TBX21: variants seen among roughly 807,000 people sequenced by gnomAD.
TBX21 encodes the protein T-box transcription factor TBX21.
Under a neutral mutation model 52.2 loss-of-function variants are expected in TBX21, and 11 were observed. The ratio of observed to expected loss-of-function variants is 0.21; its 90% CI spans 0.13 to 0.35. The LOEUF is 0.35. Among genes scored for constraint, TBX21 ranks in the 10% least tolerant of loss-of-function variants. TBX21 has a pLI of 1.00. For missense variants in TBX21, 625 were observed against 755.1 expected (o/e 0.83, Z 2.02); for synonymous variants, 300 against 316.1 (o/e 0.95, Z 0.54).
chr17:47,737,293 C>T (rs999799058), intron 1 of TBX21, among the ~76,000 whole-genome samples: 2 of 151,990 alleles, frequency 1.3e-5, no homozygotes, highest in Non-Finnish European at 2.9e-5. Flanking sequence ...AAGAGAGAGG[C>T]CTGTGTCTCT....
chr17:47,743,322 G>T, intron 3 of TBX21, 130 bp downstream of exon 3: 2 of 1,296,182 alleles, frequency 1.5e-6, no homozygotes, highest in Non-Finnish European at 2.1e-6. Flanking sequence ...AGGAAGGTTC[G>T]TTTTTCTTCT....
Position 47,744,271 on chromosome 17 carries a change from C to T in TBX21, c.845C>T (p.Ala282Val), listed in dbSNP as rs373700088. The change falls in exon 4 of 6, where the codon GCA (alanine) becomes GTA (valine). Residue 282 changes from alanine to valine, a missense_variant. By Grantham distance (64) the Ala-to-Val change is moderately conservative. Transcript: ENST00000177694. ...GAGGTGAACGACGGAGAGCCAGAGG[C>T]AGCCTGCAACGCTTCCAACACGCAT... ...IVEVNDGEPE[A>V]ACNASNTHIF... 6.8e-6 allele frequency: 11 copies of T among 1,614,108 alleles called. No individual in the cohort carries two copies. The highest frequency in any genetic ancestry group is 9.3e-6 in the Non-Finnish European group (11 of 1,180,038).
intron 1 of TBX21, among the ~76,000 whole-genome samples, chr17:47,736,065 C>A (rs1208423653): frequency 6.6e-6 from 1 of 152,180 alleles, no homozygotes; most frequent in Non-Finnish European, 1.5e-5. Context: ...GGGGATGATT[C>A]TCGAAGTGTG....
intron 1 of TBX21, among the ~76,000 whole-genome samples, chr17:47,734,595 GTGTGT>G (rs2032184526): frequency 1.4e-5 from 2 of 138,732 alleles, no homozygotes; most frequent in Non-Finnish European, 3.1e-5. Flanking sequence ...GTGTGTGTGT[GTGTGT>G]GTGTGTGTGT....
intron 1 of TBX21, among the ~76,000 whole-genome samples, chr17:47,734,809 G>A (rs939453150): frequency 6.6e-6 from 1 of 151,872 alleles, no homozygotes; most frequent in East Asian, 1.9e-4. Flanking sequence ...GAAATTCACC[G>A]GTTCAGCCTG....
Position 47,733,622 on chromosome 17 carries a change from T to C in TBX21, c.168T>C (p.Ser56=), listed in dbSNP as rs1251210948. The C allele has an allele frequency of 2.1e-6, 3 of 1,450,312 alleles. No individual in the cohort carries two copies. Among genetic ancestry groups the C allele is most frequent in the Non-Finnish European group, 1.8e-6 (2 of 1,107,692 alleles). 89.8% of individuals were successfully genotyped at this position (1,450,312 alleles called of 1,614,324 possible). Residue 56 remains serine (S), a synonymous_variant, in exon 1 of 6, where the codon TCT becomes TCC. Coordinates refer to ENST00000177694, the MANE Select transcript of TBX21 (RefSeq NM_013351.2). This position sits in a 1 kb window ranked among gnomAD's most constrained non-coding sequence, Gnocchi z 6.6. ...GTCGCGGGGGCGGCAGCCTGGGGTC[T>C]CCCTACCCGGGGGGCGCCTTGGTGC... is the stretch of plus-strand genomic sequence containing the variant. The part of the protein sequence containing the change: ...DERRGGGSLG[S]PYPGGALVPA...
At chr17:47,736,087 C>T (rs959119104) in intron 1 of TBX21, among the ~76,000 whole-genome samples, 1 of 152,224 alleles carries the variant, frequency 6.6e-6, no homozygotes, top group African/African-American at 2.4e-5. Context: ...ATCACCATCT[C>T]TACTCCCATG....
chr17:47,737,609 T>A (rs991558010), intron 1 of TBX21, among the ~76,000 whole-genome samples: 20 of 152,270 alleles, frequency 1.3e-4, no homozygotes, highest in African/African-American at 4.8e-4. Flanking sequence ...ATAGATAACT[T>A]TAGTCGATAA....
At chr17:47,740,081 T>C (rs1193921693) in intron 1 of TBX21, among the ~76,000 whole-genome samples, 2 of 152,066 alleles carry the variant, frequency 1.3e-5, no homozygotes, top group Admixed American at 6.5e-5. Flanking sequence ...TTATTTTTTC[T>C]TTGAGATGGA....
In TBX21 at chr17:47,745,145, T is replaced by C; in HGVS notation, c.1387T>C (p.Ser463Pro). ...TLPMEPGPGG[S>P]EGRGPEDQGP... is the part of the protein sequence containing the mutation. The stretch of plus-strand genomic sequence containing the variant: ...GCCCATGGAACCCGGCCCTGGAGGC[T>C]CAGAGGGACGGGGACCAGAGGACCA... Residue 463 changes from serine to proline, a missense_variant, in exon 6 of 6, where the codon TCA (serine) becomes CCA (proline). Physicochemically the swap from Ser to Pro is moderately conservative, Grantham distance 74 (BLOSUM62 -1). Transcript: ENST00000177694. 4 of 1,614,092 alleles carry C rather than the reference T, an allele frequency of 2.5e-6. No homozygotes were observed. The highest frequency in any genetic ancestry group is 3.4e-6 in the Non-Finnish European group (4 of 1,180,010).
rs2032322914 is a variant in TBX21 at position 47,745,404 on chromosome 17, TA to T, written c.*39del. 1 of 1,548,604 alleles carries T rather than the reference TA, an allele frequency of 6.5e-7. No homozygotes were observed. The highest frequency in any genetic ancestry group is 1.4e-5 in the African/African-American group (1 of 73,006). On this transcript the variant is annotated 3_prime_UTR_variant, in exon 6 of 6. Coordinates refer to ENST00000177694, the MANE Select transcript of TBX21 (RefSeq NM_013351.2). The stretch of plus-strand genomic sequence containing the variant: ...ATGAAAGGAACAGAAACAGTGTTAT[TA>T]GGTTGGAGGACACCGACTAATTTGG...
At chr17:47,738,090 A>T (rs924786868) in intron 1 of TBX21, among the ~76,000 whole-genome samples, 1 of 151,784 alleles carries the variant, frequency 6.6e-6, no homozygotes, top group Non-Finnish European at 1.5e-5. Flanking sequence ...AGCTAAAAAC[A>T]TTTTTTTTAG....
chr17:47,741,760 C>A (rs920895184), intron 1 of TBX21, among the ~76,000 whole-genome samples: 1 of 151,934 alleles, frequency 6.6e-6, no homozygotes, highest in African/African-American at 2.4e-5. Flanking sequence ...TGGTGGTGCC[C>A]CCTCCTAGGA....
chr17:47,733,505 G>T lies in TBX21; in HGVS notation c.51G>T (p.Pro17=). The change falls in exon 1 of 6, where the codon CCG becomes CCT. Residue 17 remains proline, a synonymous_variant. Coordinates refer to ENST00000177694, the MANE Select transcript of TBX21 (RefSeq NM_013351.2). The surrounding 1 kb of genome is among the most constrained non-coding windows in gnomAD (Gnocchi z 6.6). ...GAGACATGCTGACGGGCACCGAGCC[G>T]ATGCCGGGGAGCGACGAGGGCCGGG... ...GCGDMLTGTE[P]MPGSDEGRAP... is the part of the protein sequence containing the mutation. 1 of 1,495,102 alleles carries T rather than the reference G, an allele frequency of 6.7e-7. No individual in the cohort carries two copies. The allele number at this position is 1,495,102 out of a possible 1,614,324, so 92.6% of individuals were successfully genotyped here.
At position 47,733,721 on chromosome 17, in the gene TBX21, G is replaced by A. The variant is rs994303727; in HGVS notation, c.267G>A (p.Ala89=). The A allele has an allele frequency of 5.6e-6, 8 of 1,418,406 alleles. No individual in the cohort carries two copies. Among genetic ancestry groups the A allele is most frequent in the African/African-American group, 1.5e-5 (1 of 66,106 alleles). The allele number at this position is 1,418,406 out of a possible 1,614,324, so 87.9% of individuals were successfully genotyped here. Reference sequence around the variant, plus strand: ...CCCAGGCGGCCGGCTTCCCCGGCGCGGGCGAGTCCTTCCCGCCGCCCGCGG... The same window carrying A: ...CCCAGGCGGCCGGCTTCCCCGGCGCAGGCGAGTCCTTCCCGCCGCCCGCGG... ...PRPQAAGFPG[A]GESFPPPADA... is the part of the protein sequence containing the mutation. Residue 89 remains alanine (A), a synonymous_variant, in exon 1 of 6, where the codon GCG becomes GCA. Coordinates refer to ENST00000177694, the MANE Select transcript of TBX21 (RefSeq NM_013351.2). The surrounding 1 kb of genome is among the most constrained non-coding windows in gnomAD (Gnocchi z 6.6).
rs377671467 is a variant in TBX21 at position 47,744,284 on chromosome 17, T to C, written c.858T>C (p.Ala286=). 1 of 1,614,078 alleles carries C rather than the reference T, an allele frequency of 6.2e-7. No homozygotes were observed. The highest frequency in any genetic ancestry group is 8.5e-7 in the Non-Finnish European group (1 of 1,180,048). ...NDGEPEAACN[A]SNTHIFTFQE... ...GAGAGCCAGAGGCAGCCTGCAACGC[T>C]TCCAACACGCATATCTTTACTTTCC... The change falls in exon 4 of 6, where the codon GCT becomes GCC. Residue 286 remains alanine, a synonymous_variant. Coordinates refer to ENST00000177694, the MANE Select transcript of TBX21 (RefSeq NM_013351.2).
intron 1 of TBX21, among the ~76,000 whole-genome samples, chr17:47,734,554 G>GGTGTGTGTGTGTGTGTGTGT (rs55690005): frequency 2.1e-4 from 22 of 102,930 alleles, no homozygotes; most frequent in South Asian, 3.4e-4. Flanking sequence ...TCATATGTCT[G>GGTGTGTGTGTGTGTGTGTGT]GTGTGTGTGT....
In TBX21 at chr17:47,733,532, G is replaced by A; in HGVS notation, c.78G>A (p.Ala26=). Residue 26 remains alanine (A), a synonymous_variant, in exon 1 of 6, where the codon GCG becomes GCA. Transcript: ENST00000177694. This position sits in a 1 kb window ranked among gnomAD's most constrained non-coding sequence, Gnocchi z 6.6. The part of the protein sequence containing the change: ...EPMPGSDEGR[A]PGADPQHRYF... ...TGCCGGGGAGCGACGAGGGCCGGGC[G>A]CCTGGCGCCGACCCGCAGCACCGCT... The A allele has an allele frequency of 1.3e-6, 2 of 1,492,000 alleles. No individual in the cohort carries two copies. The highest frequency in any genetic ancestry group is 1.8e-6 in the Non-Finnish European group (2 of 1,127,294). The allele number at this position is 1,492,000 out of a possible 1,614,324, so 92.4% of individuals were successfully genotyped here. A position where few individuals can be genotyped will look rare whatever the true frequency, so the allele number is the denominator to read the frequency against.
chr17:47,733,715 C>T lies in TBX21; in HGVS notation c.261C>T (p.Pro87=), dbSNP rs1362547305. 9.9e-6 allele frequency: 14 copies of T among 1,414,924 alleles called. No individual in the cohort carries two copies. The highest frequency in any genetic ancestry group is 3.2e-5 in the Admixed American group (1 of 31,094). The allele number at this position is 1,414,924 out of a possible 1,614,324, so 87.6% of individuals were successfully genotyped here. A position where few individuals can be genotyped will look rare whatever the true frequency, so the allele number is the denominator to read the frequency against. The change falls in exon 1 of 6, where the codon CCC becomes CCT. Residue 87 remains proline (P), a synonymous_variant. Coordinates refer to ENST00000177694, the MANE Select transcript of TBX21 (RefSeq NM_013351.2). This position sits in a 1 kb window ranked among gnomAD's most constrained non-coding sequence, Gnocchi z 6.6. ...CGCGACCCCAGGCGGCCGGCTTCCC[C>T]GGCGCGGGCGAGTCCTTCCCGCCGC... is the stretch of plus-strand genomic sequence containing the variant. ...YPPRPQAAGF[P]GAGESFPPPA...
Sources: gnomAD v4.1 joint callset for allele counts (sites outside exome capture counted in the v4.1 genomes callset) on GRCh38, gnomAD v4.1.1 for gene constraint, Gnocchi (gnomAD v3.1) non-coding constraint, MANE v1.5 for transcripts, NCBI Gene and HGNC (gene_info 2026-07-23, HGNC 2026-07-21) for gene names.